Variants in CLDN16 observed in about 807,000 individuals in gnomAD.
The protein encoded by CLDN16 is claudin-16.
A neutral mutation model predicts 24.6 loss-of-function variants in CLDN16; 13 were observed. The observed-to-expected ratio is 0.53, with a 90% CI of 0.34 to 0.84. The LOEUF (loss-of-function observed/expected upper bound fraction) is 0.84. Among genes scored for constraint, CLDN16 ranks in the 40% least tolerant of loss-of-function variants. The pLI, the probability that CLDN16 is intolerant of heterozygous loss-of-function variation, is 0.01. For missense variants in CLDN16, 298 were observed against 292.7 expected (o/e 1.02, Z -0.13); for synonymous variants, 116 against 106.7 (o/e 1.09, Z -0.54).
chr3:190,410,781 A>G lies in CLDN16; in HGVS notation c.*745A>G, dbSNP rs1352554358. The G allele has an allele frequency of 6.6e-6, 1 of 152,220 alleles. No homozygotes were observed. The highest frequency in any genetic ancestry group is 1.5e-5 in the Non-Finnish European group (1 of 68,046). 9.4% of individuals were successfully genotyped at this position (152,220 alleles called of 1,614,324 possible). On this transcript the variant is annotated 3_prime_UTR_variant, in exon 5 of 5. Coordinates refer to ENST00000264734, the MANE Select transcript of CLDN16 (RefSeq NM_006580.4). Reference sequence around the variant, plus strand: ...AATGATTAGACTACAGAATAGTTCAACCAGAGAATTTACTCATTTATTGAT... The same window carrying G: ...AATGATTAGACTACAGAATAGTTCAGCCAGAGAATTTACTCATTTATTGAT...
intron 1 of CLDN16, among the ~76,000 whole-genome samples, chr3:190,323,365 G>A (rs1314492981): frequency 6.6e-6 from 1 of 152,152 alleles, no homozygotes; most frequent in Non-Finnish European, 1.5e-5. Context: ...GGACTGGGCT[G>A]GAGTTGAGGA....
chr3:190,315,388 G>A, the CLDN16 span, among the ~76,000 whole-genome samples: 4 of 152,108 alleles, frequency 2.6e-5, no homozygotes, highest in African/African-American at 7.2e-5. Flanking sequence ...GATAGGATGT[G>A]CAAAGTAAAA....
chr3:190,334,342 G>C (rs570432357), intron 1 of CLDN16, among the ~76,000 whole-genome samples: 20 of 152,190 alleles, frequency 1.3e-4, no homozygotes, highest in Admixed American at 1.3e-4. Context: ...TTTGACTGGA[G>C]TATATGCTAT....
intron 1 of CLDN16, among the ~76,000 whole-genome samples, chr3:190,355,955 T>G (rs928354820): frequency 1.6e-4 from 24 of 151,674 alleles, no homozygotes; most frequent in African/African-American, 5.6e-4. Flanking sequence ...ATTTTTACTT[T>G]TTAGAGTCTT....
At chr3:190,350,111 C>A (rs574712510) in intron 1 of CLDN16, among the ~76,000 whole-genome samples, 1 of 151,460 alleles carries the variant, frequency 6.6e-6, no homozygotes, top group East Asian at 2.0e-4. Flanking sequence ...AGCATTTAAC[C>A]ATCTCCCTCC....
chr3:190,364,174 C>T (rs1465495), intron 1 of CLDN16, among the ~76,000 whole-genome samples: 134,519 of 151,844 alleles, frequency 0.89, 59,604 homozygotes, highest in East Asian at 0.94. Flanking sequence ...CATGTGAGTA[C>T]AGTTTGGTTG....
intron 1 of CLDN16, among the ~76,000 whole-genome samples, chr3:190,363,937 T>C (rs1388712532): frequency 6.6e-6 from 1 of 151,910 alleles, no homozygotes; most frequent in Non-Finnish European, 1.5e-5. Flanking sequence ...TTATTTCTCT[T>C]AAAAACAAAA....
At chr3:190,381,665 G>T (rs1324198701) in intron 3 of CLDN16, among the ~76,000 whole-genome samples, 1 of 151,890 alleles carries the variant, frequency 6.6e-6, no homozygotes, top group Admixed American at 6.6e-5. Context: ...TGTTAGGTAG[G>T]GACTGCTTTT....
chr3:190,319,085 C>G (rs1383419618), upstream of CLDN16, among the ~76,000 whole-genome samples: 2 of 152,148 alleles, frequency 1.3e-5, no homozygotes, highest in East Asian at 3.9e-4. Context: ...TGCACACCTC[C>G]CACCATGCAG....
intron 1 of CLDN16, among the ~76,000 whole-genome samples, chr3:190,398,471 G>A (rs1001836527): frequency 2.6e-5 from 4 of 152,082 alleles, no homozygotes; most frequent in African/African-American, 4.8e-5. Flanking sequence ...TTTCTCTCCT[G>A]CATGTGTCTC....
intron 1 of CLDN16, among the ~76,000 whole-genome samples, chr3:190,400,001 G>A (rs1238664140): frequency 6.6e-6 from 1 of 152,124 alleles, no homozygotes; most frequent in African/African-American, 2.4e-5. Context: ...ATCTGAGCTG[G>A]AACAGTTTCA....
chr3:190,390,303 G>A (rs920267445), intron 1 of CLDN16, among the ~76,000 whole-genome samples: 2 of 152,218 alleles, frequency 1.3e-5, no homozygotes, highest in South Asian at 2.1e-4. Flanking sequence ...TTGGAAGGCC[G>A]AGGCGGGCAG....
rs562131390 is a variant in CLDN16 at position 190,337,229 on chromosome 3, A to G, written n.121+14568A>G. 8.5e-5 allele frequency among the ~76,000 whole-genome samples: 13 copies of G among 152,312 alleles called. No homozygotes were observed. The South Asian group carries it at 2.5e-3, about 29-fold the overall frequency. On this transcript the variant is annotated intron_variant and non_coding_transcript_variant, in intron 1 of 4. Coordinates refer to the CLDN16 transcript ENST00000468220. ...GTAATCCAATTTTGTTGAGTGACAA[A>G]TGGCTTAAAAGAACGCTATACACAT...
chr3:190,323,969 T>C (rs934790976), intron 1 of CLDN16, among the ~76,000 whole-genome samples: 1 of 152,126 alleles, frequency 6.6e-6, no homozygotes, highest in African/African-American at 2.4e-5. Flanking sequence ...GGGCCTGCAG[T>C]CAGTACTACT....
Position 190,400,521 on chromosome 3 carries a change from G to A in CLDN16, c.115-1816G>A, listed in dbSNP as rs544074411. Among the ~76,000 whole-genome samples the A allele has an allele frequency of 3.9e-5, 6 of 152,180 alleles. No individual in the cohort carries two copies. In the South Asian group the frequency reaches 1.0e-3, roughly 26 times the overall value. On this transcript the variant is annotated intron_variant, in intron 1 of 4. Transcript: ENST00000264734. ...GCTGGGATTACAGGCGTGAGCCACC[G>A]TGCCCGACCGAGATCAACTTCTTAT...
intron 1 of CLDN16, among the ~76,000 whole-genome samples, chr3:190,352,855 T>C (rs1408732683): frequency 1.3e-5 from 2 of 152,006 alleles, no homozygotes; most frequent in East Asian, 3.9e-4. Flanking sequence ...AGTGAGTAGA[T>C]CACTGGTTTT....
chr3:190,399,762 AC>A (rs1263780413), intron 1 of CLDN16, among the ~76,000 whole-genome samples: 3 of 152,036 alleles, frequency 2.0e-5, no homozygotes, highest in Non-Finnish European at 2.9e-5. Context: ...GGGGTCCACA[AC>A]CCCCAGGCCA....
At chr3:190,396,543 C>T (rs1476441599) in intron 1 of CLDN16, among the ~76,000 whole-genome samples, 2 of 152,158 alleles carry the variant, frequency 1.3e-5, no homozygotes, top group African/African-American at 4.8e-5. Flanking sequence ...GAGTAAGAGA[C>T]TGTATGCTCC....
chr3:190,326,455 A>G (rs926320202), intron 1 of CLDN16, among the ~76,000 whole-genome samples: 2 of 152,306 alleles, frequency 1.3e-5, no homozygotes, highest in Middle Eastern at 3.4e-3. Flanking sequence ...ATGAGCTTTC[A>G]GTGAGATTTC....
Sources: allele counts gnomAD v4.1 joint callset (sites outside exome capture counted in the v4.1 genomes callset), GRCh38; gene constraint gnomAD v4.1.1; transcripts MANE v1.5; gene names NCBI Gene and HGNC (gene_info 2026-07-23, HGNC 2026-07-21).